Variants in FHIT observed in about 807,000 individuals in gnomAD.
The protein encoded by FHIT is fragile histidine triad diadenosine triphosphatase, also known as bis(5'-adenosyl)-triphosphatase.
A neutral mutation model predicts 17.9 loss-of-function variants in FHIT; 19 were observed. The observed-to-expected ratio is 1.06, with a 90% CI of 0.74 to 1.56. FHIT has a LOEUF of 1.56. FHIT is among the 40% of genes most tolerant of loss of function. The probability of loss-of-function intolerance (pLI) is 0.00; values close to 1 mark genes in which losing one functional copy is unlikely to be tolerated. For synonymous variants in FHIT, 81 were observed against 69.7 expected (o/e 1.16, Z -0.81); for missense variants, 248 against 189.2 (o/e 1.31, Z -1.82).
rs577302541 is a variant in FHIT at position 60,839,957 on chromosome 3, A to T, written c.-110-17946T>A. Among the ~76,000 whole-genome samples, 159 of 151,512 alleles carry T rather than the reference A, an allele frequency of 1.0e-3. 2 individuals are homozygous for T. Among genetic ancestry groups the T allele is most frequent in the Middle Eastern group, 6.8e-3 (2 of 292 alleles). ...TTTACAGTCCAACTATTTTTTTTTT[A>T]AAACTGCATGCCACCTTCATGCTGC... On this transcript the variant is annotated intron_variant, in intron 3 of 9. Transcript: ENST00000492590.
intron 3 of FHIT, among the ~76,000 whole-genome samples, chr3:60,831,415 CA>C (rs1218794975): frequency 6.6e-6 from 1 of 151,972 alleles, no homozygotes; most frequent in Non-Finnish European, 1.5e-5. Context: ...CTTGGCAGTT[CA>C]AAAAAACTCT....
chr3:59,986,976 T>C (rs1709001204), intron 7 of FHIT, among the ~76,000 whole-genome samples: 1 of 126,128 alleles, frequency 7.9e-6, no homozygotes, highest in Non-Finnish European at 1.6e-5. Context: ...GGATTTACTA[T>C]AGAAAAATAT....
chr3:60,031,987 G>A (rs965806490), intron 5 of FHIT, among the ~76,000 whole-genome samples: 17 of 152,098 alleles, frequency 1.1e-4, no homozygotes, highest in African/African-American at 4.1e-4. Context: ...TAACTTGATA[G>A]TTATTGCAGT....
At chr3:60,066,572 G>A (rs1038441688) in intron 5 of FHIT, among the ~76,000 whole-genome samples, 18 of 147,970 alleles carry the variant, frequency 1.2e-4, no homozygotes, top group African/African-American at 4.2e-4. Flanking sequence ...ACGTAATCAT[G>A]GGCCACCTTG....
chr3:60,485,664 A>T (rs1196921132), intron 5 of FHIT, among the ~76,000 whole-genome samples: 6 of 152,076 alleles, frequency 3.9e-5, no homozygotes, highest in Middle Eastern at 3.4e-3. Flanking sequence ...GGTGGGGGGC[A>T]AGGGGAGGGA....
chr3:60,365,829 C>G (rs17062824), intron 5 of FHIT, among the ~76,000 whole-genome samples: 17,425 of 152,124 alleles, frequency 0.11, 1,485 homozygotes, highest in East Asian at 0.27. Context: ...CAATTGATTT[C>G]ATTATGGAAC....
chr3:59,939,552 T>C (rs1299682786), intron 7 of FHIT, among the ~76,000 whole-genome samples: 1 of 152,174 alleles, frequency 6.6e-6, no homozygotes, highest in Non-Finnish European at 1.5e-5. Flanking sequence ...CTATGCCTTT[T>C]AACCTTTGGA....
intron 5 of FHIT, among the ~76,000 whole-genome samples, chr3:60,312,289 T>G (rs1449485346): frequency 2.0e-5 from 3 of 152,078 alleles, no homozygotes; most frequent in Admixed American, 1.3e-4. Context: ...GCATACACCA[T>G]CATGCCTGGC....
At chr3:61,196,918 A>G (rs1415295453) in intron 2 of FHIT, among the ~76,000 whole-genome samples, 1 of 152,182 alleles carries the variant, frequency 6.6e-6, no homozygotes, top group Non-Finnish European at 1.5e-5. Context: ...TCCCCTGGCT[A>G]ATACAACAGA....
intron 2 of FHIT, among the ~76,000 whole-genome samples, chr3:61,046,060 T>G (rs1236926381): frequency 6.6e-6 from 1 of 152,050 alleles, no homozygotes; most frequent in Non-Finnish European, 1.5e-5. Context: ...GTTGACACCC[T>G]AACATTACAA....
chr3:60,641,168 G>C (rs2039715815), intron 4 of FHIT, among the ~76,000 whole-genome samples: 1 of 152,120 alleles, frequency 6.6e-6, no homozygotes, highest in African/African-American at 2.4e-5. Flanking sequence ...CAACAGGAGT[G>C]AAACTCTGTC....
At chr3:60,738,345 G>A (rs1302959650) in intron 4 of FHIT, among the ~76,000 whole-genome samples, 1 of 152,188 alleles carries the variant, frequency 6.6e-6, no homozygotes, top group Non-Finnish European at 1.5e-5. Flanking sequence ...GCAATGGAAT[G>A]TAGCATACAC....
chr3:59,773,596 C>CT (rs1702169184), intron 8 of FHIT, among the ~76,000 whole-genome samples: 1 of 152,198 alleles, frequency 6.6e-6, no homozygotes, highest in Non-Finnish European at 1.5e-5. Flanking sequence ...TTAATTCCCT[C>CT]TTTTCACGAA....
chr3:60,895,652 T>C (rs567632472), intron 3 of FHIT, among the ~76,000 whole-genome samples: 5 of 129,246 alleles, frequency 3.9e-5, no homozygotes, highest in Admixed American at 2.9e-4. Flanking sequence ...TTCCTTTCCC[T>C]CCTTCCTTCC....
chr3:61,181,664 A>G (rs1311194417), intron 2 of FHIT, among the ~76,000 whole-genome samples: 1 of 152,130 alleles, frequency 6.6e-6, no homozygotes, highest in Non-Finnish European at 1.5e-5. Context: ...AAAATCTACC[A>G]TGTAGTCCAA....
intron 9 of FHIT, chr3:59,750,521 T>C (rs1480725904): frequency 4.5e-6 from 1 of 224,300 alleles, no homozygotes; most frequent in Non-Finnish European, 8.9e-6. Context: ...GAGAGAGAGA[T>C]GGTGAACAGT....
intron 1 of FHIT, among the ~76,000 whole-genome samples, chr3:61,247,243 C>T (rs1282734404): frequency 6.6e-6 from 1 of 152,224 alleles, no homozygotes; most frequent in Non-Finnish European, 1.5e-5. Context: ...GATCCTCATT[C>T]CTGTTGCTCC....
chr3:59,930,448 A>G (rs56269014), intron 7 of FHIT, among the ~76,000 whole-genome samples: 1,950 of 152,294 alleles, frequency 0.013, 23 homozygotes, highest in South Asian at 0.024. Flanking sequence ...CCAGACAGAT[A>G]AAGATCTGGT....
intron 3 of FHIT, among the ~76,000 whole-genome samples, chr3:60,842,645 A>ATATATTTTT (rs1396703397): frequency 4.2e-5 from 4 of 94,598 alleles, no homozygotes; most frequent in African/African-American, 1.7e-4. Context: ...ATATATATAT[A>ATATATTTTT]TTTTTTTTTT....
Sources: allele counts gnomAD v4.1 joint callset (sites outside exome capture counted in the v4.1 genomes callset), GRCh38; gene constraint gnomAD v4.1.1; transcripts MANE v1.5; gene names NCBI Gene and HGNC (gene_info 2026-07-23, HGNC 2026-07-21).